Variants in PCDHGA6 observed in about 807,000 individuals in gnomAD.
PCDHGA6 encodes protocadherin gamma subfamily A, 6, also known as protocadherin gamma-A6.
In PCDHGA6, 41 loss-of-function variants were observed where a neutral mutation model predicts 60.6. That is an observed-to-expected ratio of 0.68 (90% confidence interval 0.53 to 0.88). PCDHGA6 has a LOEUF of 0.88. Among genes scored for constraint, PCDHGA6 ranks in the 40% least tolerant of loss-of-function variants. The pLI is 0.00. For missense variants in PCDHGA6, 1,312 were observed against 1,203.0 expected (o/e 1.09, Z -1.34); for synonymous variants, 594 against 524.4 (o/e 1.13, Z -1.81).
chr5:141,482,032 C>T (rs1370023352), intron 1 of PCDHGA6, among the ~76,000 whole-genome samples: 1 of 151,018 alleles, frequency 6.6e-6, no homozygotes, highest in African/African-American at 2.4e-5. Flanking sequence ...TTGCAGTGAG[C>T]CAAGATCATG....
chr5:141,419,311 C>T (rs745852942), intron 1 of PCDHGA6: 4 of 1,613,876 alleles, frequency 2.5e-6, no homozygotes, highest in East Asian at 4.5e-5. Context: ...TCGGGCTCAA[C>T]GGCCGTGTCT....
Position 141,432,436 on chromosome 5 carries a change from G to A in PCDHGA6, c.2424+55929G>A, listed in dbSNP as rs753833603. On this transcript the variant is annotated intron_variant, in intron 1 of 3. Coordinates refer to ENST00000517434, the MANE Select transcript of PCDHGA6 (RefSeq NM_018919.3). The surrounding 1 kb of genome is among the most constrained non-coding windows in gnomAD (Gnocchi z 6.0). ...TCGTGCTGGACCAGAACGACAATGC[G>A]CCCGAGATCCTGTACCCCGCCCTCC... The A allele has an allele frequency of 4.3e-6, 7 of 1,614,196 alleles. No homozygotes were observed. The highest frequency in any genetic ancestry group is 1.1e-5 in the South Asian group (1 of 91,084).
intron 1 of PCDHGA6, chr5:141,404,241 C>A (rs960579159): frequency 6.2e-7 from 1 of 1,613,458 alleles, no homozygotes; most frequent in African/African-American, 1.3e-5. Context: ...AGAGGAACTC[C>A]GCCCCTGTCC....
intron 1 of PCDHGA6, chr5:141,402,800 C>A: frequency 9.3e-7 from 1 of 1,072,728 alleles, no homozygotes; most frequent in Non-Finnish European, 1.3e-6. Flanking sequence ...ACACAAAACC[C>A]GGCAGATACC....
intron 3 of PCDHGA6, among the ~76,000 whole-genome samples, chr5:141,509,362 G>C (rs2099876497): frequency 6.6e-6 from 1 of 152,152 alleles, no homozygotes; most frequent in Non-Finnish European, 1.5e-5. Flanking sequence ...GCATCCCTGA[G>C]GTTTTAACTG....
chr5:141,387,422 TA>T (rs1406219674), intron 1 of PCDHGA6, among the ~76,000 whole-genome samples: 1 of 152,248 alleles, frequency 6.6e-6, no homozygotes, highest in Non-Finnish European at 1.5e-5. Context: ...CTTATGTCAA[TA>T]AATGTTTATG....
chr5:141,455,476 G>C (rs2098823789), intron 1 of PCDHGA6, among the ~76,000 whole-genome samples: 1 of 152,218 alleles, frequency 6.6e-6, no homozygotes. Flanking sequence ...ATATGCAGAG[G>C]CTGGTGGAGG....
intron 1 of PCDHGA6, chr5:141,415,883 G>C: frequency 1.0e-6 from 1 of 984,090 alleles, no homozygotes; most frequent in Non-Finnish European, 1.4e-6. Context: ...GTACAATATT[G>C]ACAATTCCTA....
Position 141,405,333 on chromosome 5 carries a change from C to T in PCDHGA6, c.2424+28826C>T, listed in dbSNP as rs1253133454. 29 of 1,614,086 alleles carry T rather than the reference C, an allele frequency of 1.8e-5. No homozygotes were observed. Among genetic ancestry groups the T allele is most frequent in the Non-Finnish European group, 2.5e-5 (29 of 1,180,034 alleles). ...GAGAAAAATGAGCCTTTGTGCGTCT[C>T]TGTTGATTCCAAGTTTCCTATAGAA... On this transcript the variant is annotated intron_variant, in intron 1 of 3. Coordinates refer to ENST00000517434, the MANE Select transcript of PCDHGA6 (RefSeq NM_018919.3).
chr5:141,487,391 A>C lies in PCDHGA6; in HGVS notation c.2425-7416A>C. 1 of 1,614,090 alleles carries C rather than the reference A, an allele frequency of 6.2e-7. No homozygotes were observed. The highest frequency in any genetic ancestry group is 1.1e-5 in the South Asian group (1 of 91,078). ...TGCCTGTCTCACCAGATCTCGAAGG[A>C]GGGAGGGGCTTCCCCCTTCCAATGG... On this transcript the variant is annotated intron_variant, in intron 1 of 3. Transcript: ENST00000517434. The surrounding 1 kb of genome is among the most constrained non-coding windows in gnomAD (Gnocchi z 5.0).
intron 1 of PCDHGA6, among the ~76,000 whole-genome samples, chr5:141,469,568 T>C (rs942597017): frequency 6.6e-6 from 1 of 152,184 alleles, no homozygotes. Flanking sequence ...AGTGAGACTC[T>C]GTCTCTAAAT....
intron 1 of PCDHGA6, chr5:141,422,453 G>GA: frequency 6.2e-7 from 1 of 1,611,704 alleles, no homozygotes. Context: ...ATAACAAGCA[G>GA]AGTGCTGGAC....
At chr5:141,504,302 C>T (rs969760258) in intron 2 of PCDHGA6, among the ~76,000 whole-genome samples, 9 of 152,004 alleles carry the variant, frequency 5.9e-5, no homozygotes, top group African/African-American at 1.5e-4. Context: ...TTTCAACACT[C>T]GGAGTTTCTA....
Position 141,443,253 on chromosome 5 carries a change from G to A in PCDHGA6, c.2425-51554G>A, listed in dbSNP as rs192939862. 1.8e-4 allele frequency among the ~76,000 whole-genome samples: 28 copies of A among 152,214 alleles called. No individual in the cohort carries two copies. The Middle Eastern group carries it at 0.014, about 74-fold the overall frequency. On this transcript the variant is annotated intron_variant, in intron 1 of 3. Transcript: ENST00000517434. Reference sequence around the variant, plus strand: ...CTTAGCACTTTGGGGCGCCAAGGCGGGTGGATCACTTGAGCCCAGGAGTTT... The same window carrying A: ...CTTAGCACTTTGGGGCGCCAAGGCGAGTGGATCACTTGAGCCCAGGAGTTT...
At chr5:141,454,811 T>TTTTTA (rs1284435092) in intron 1 of PCDHGA6, among the ~76,000 whole-genome samples, 4 of 125,862 alleles carry the variant, frequency 3.2e-5, no homozygotes, top group African/African-American at 1.3e-4. Context: ...TTTTTTTTTT[T>TTTTTA]TTTTTTTTTT....
Position 141,419,699 on chromosome 5 carries a change from C to G in PCDHGA6, c.2424+43192C>G, listed in dbSNP as rs1488905080. ...CTACCACGTGGTGCAGGCCAGTGAG[C>G]CCGGGCTCTTCAGCCTGGGGCTGCG... On this transcript the variant is annotated intron_variant, in intron 1 of 3. Coordinates refer to ENST00000517434, the MANE Select transcript of PCDHGA6 (RefSeq NM_018919.3). The G allele has an allele frequency of 5.6e-6, 9 of 1,612,806 alleles. No homozygotes were observed. The East Asian group carries it at 1.8e-4, about 32-fold the overall frequency.
intron 1 of PCDHGA6, chr5:141,378,636 G>A (rs1775063094): frequency 6.6e-6 from 1 of 152,168 alleles, no homozygotes; most frequent in African/African-American, 2.4e-5. Context: ...CTGGTGAATG[G>A]GAGAACAAAT....
chr5:141,485,935 C>A lies in PCDHGA6; in HGVS notation c.2425-8872C>A. The stretch of plus-strand genomic sequence containing the variant: ...GCTACAGGATTAGTGTGTTGGAGAG[C>A]GCACCAGCGGGCATGGTGCTCATCC... On this transcript the variant is annotated intron_variant, in intron 1 of 3. Coordinates refer to ENST00000517434, the MANE Select transcript of PCDHGA6 (RefSeq NM_018919.3). This position sits in a 1 kb window ranked among gnomAD's most constrained non-coding sequence, Gnocchi z 5.7. The A allele has an allele frequency of 3.1e-6, 5 of 1,614,144 alleles. No homozygotes were observed. Among genetic ancestry groups the A allele is most frequent in the Non-Finnish European group, 3.4e-6 (4 of 1,180,030 alleles).
chr5:141,410,793 G>T, intron 1 of PCDHGA6: 2 of 637,704 alleles, frequency 3.1e-6, no homozygotes, highest in Admixed American at 4.3e-5. Flanking sequence ...TGGTTCATAA[G>T]TTGCTCTATC....
Sources: gnomAD v4.1 joint callset for allele counts (sites outside exome capture counted in the v4.1 genomes callset) on GRCh38, gnomAD v4.1.1 for gene constraint, Gnocchi (gnomAD v3.1) non-coding constraint, MANE v1.5 for transcripts, NCBI Gene and HGNC (gene_info 2026-07-23, HGNC 2026-07-21) for gene names.